The following EBF3 variants were observed in gnomAD, a reference collection of about 807,000 sequenced individuals.
The protein encoded by EBF3 is transcription factor COE3.
EBF3 carries 18 observed loss-of-function variants against 77.1 expected under a neutral mutation model. The ratio of observed to expected loss-of-function variants is 0.23; its 90% CI spans 0.16 to 0.35. EBF3 has a LOEUF of 0.35. EBF3 is among the 10% of genes least tolerant of loss of function. EBF3 has a pLI of 1.00. For missense variants in EBF3, 558 were observed against 860.0 expected (o/e 0.65, Z 4.39); for synonymous variants, 350 against 343.5 (o/e 1.02, Z -0.21).
At chr10:129,894,379 T>C (rs747907105) in intron 6 of EBF3, among the ~76,000 whole-genome samples, 27 of 152,358 alleles carry the variant, frequency 1.8e-4, no homozygotes, top group Non-Finnish European at 3.4e-4. Flanking sequence ...TTGTCAACCC[T>C]GAGCCTGTCA....
intron 10 of EBF3, among the ~76,000 whole-genome samples, chr10:129,859,980 A>G (rs917307611): frequency 1.3e-5 from 2 of 152,190 alleles, no homozygotes; most frequent in Non-Finnish European, 2.9e-5. Flanking sequence ...CTCTACCGAC[A>G]TGTTTGTGCT....
At chr10:129,909,790 C>T (rs895562341) in intron 6 of EBF3, among the ~76,000 whole-genome samples, 2 of 152,230 alleles carry the variant, frequency 1.3e-5, no homozygotes, top group South Asian at 2.1e-4. Context: ...AGAACAGCAG[C>T]GCCCACCCCT....
rs1849586955 is a variant in EBF3, at chr10:129,835,945, G to A, written c.*1998C>T. On this transcript the variant is annotated 3_prime_UTR_variant, in exon 17 of 17. Transcript: ENST00000440978. ...AGGTCATTCCAGTTTTAAAAGTACG[G>A]ACAGTGCTGTTGGAACTGACCACAA... 6.6e-6 allele frequency: 1 copy of A among 152,352 alleles called. No homozygotes were observed. Among genetic ancestry groups the A allele is most frequent in the Admixed American group, 6.6e-5 (1 of 15,242 alleles). 9.4% of individuals were successfully genotyped at this position (152,352 alleles called of 1,614,324 possible).
At chr10:129,899,687 G>A (rs901408217) in intron 6 of EBF3, among the ~76,000 whole-genome samples, 6 of 152,050 alleles carry the variant, frequency 3.9e-5, no homozygotes, top group African/African-American at 9.7e-5. Context: ...GGCCACACTC[G>A]CAGAACCGGA....
At chr10:129,883,216 G>A (rs1853330602) in intron 6 of EBF3, among the ~76,000 whole-genome samples, 1 of 152,136 alleles carries the variant, frequency 6.6e-6, no homozygotes, top group South Asian at 2.1e-4. Flanking sequence ...ACACTGACTG[G>A]CCCCCTGAAA....
chr10:129,846,629 C>G (rs1377927001), intron 11 of EBF3, among the ~76,000 whole-genome samples: 1 of 152,018 alleles, frequency 6.6e-6, no homozygotes, highest in Non-Finnish European at 1.5e-5. Context: ...AAAGCAGCCT[C>G]AGATGGCTGG....
At chr10:129,898,840 C>T (rs1475058993) in intron 6 of EBF3, among the ~76,000 whole-genome samples, 1 of 152,210 alleles carries the variant, frequency 6.6e-6, no homozygotes, top group Non-Finnish European at 1.5e-5. Context: ...CTCCCGCGCC[C>T]AGGCCCCGCT....
At chr10:129,877,970 C>A in intron 6 of EBF3, 121 bp from the exon 7 acceptor site, 1 of 731,394 alleles carries the variant, frequency 1.4e-6, no homozygotes, top group Non-Finnish European at 2.2e-6. Context: ...CCACACTTCC[C>A]TCTAGGGGGC....
intron 6 of EBF3, among the ~76,000 whole-genome samples, chr10:129,901,248 A>C (rs1854757724): frequency 6.6e-6 from 1 of 152,228 alleles, no homozygotes; most frequent in Non-Finnish European, 1.5e-5. Context: ...TGGCAATGTC[A>C]TAATTATGAC....
At chr10:129,871,960 G>C (rs1304168296) in intron 8 of EBF3, among the ~76,000 whole-genome samples, 1 of 152,090 alleles carries the variant, frequency 6.6e-6, no homozygotes, top group Non-Finnish European at 1.5e-5. Context: ...TGATTAGTTG[G>C]GTTTTATCTC....
intron 6 of EBF3, among the ~76,000 whole-genome samples, chr10:129,911,780 T>G (rs1855541016): frequency 6.6e-6 from 1 of 152,038 alleles, no homozygotes; most frequent in South Asian, 2.1e-4. Context: ...TCACTCCTAC[T>G]CCAAGCTGGG....
chr10:129,853,528 A>T (rs1851038325), intron 10 of EBF3, among the ~76,000 whole-genome samples: 1 of 152,200 alleles, frequency 6.6e-6, no homozygotes, highest in Non-Finnish European at 1.5e-5. Flanking sequence ...TAGCAACATA[A>T]CTACATAATA....
intron 6 of EBF3, among the ~76,000 whole-genome samples, chr10:129,906,771 T>G (rs1281089804): frequency 1.3e-5 from 2 of 152,142 alleles, no homozygotes; most frequent in Non-Finnish European, 2.9e-5. Context: ...TTTTCGATTC[T>G]GTCAAAATGT....
chr10:129,924,661 T>C (rs1856543792), intron 6 of EBF3, among the ~76,000 whole-genome samples: 1 of 152,096 alleles, frequency 6.6e-6, no homozygotes, highest in Admixed American at 6.6e-5. Context: ...TAAAGAGGTA[T>C]CTGTGTTTCT....
At chr10:129,889,724 A>G (rs1188888819) in intron 6 of EBF3, among the ~76,000 whole-genome samples, 1 of 150,912 alleles carries the variant, frequency 6.6e-6, no homozygotes, top group Non-Finnish European at 1.5e-5. Flanking sequence ...AGGATAAATA[A>G]TGAATGTCCT....
chr10:129,961,054 T>G (rs1859477351), intron 4 of EBF3, among the ~76,000 whole-genome samples: 1 of 152,228 alleles, frequency 6.6e-6, no homozygotes, highest in Non-Finnish European at 1.5e-5. Context: ...ACACCCTTGC[T>G]ACCTAGGTAA....
chr10:129,929,266 G>A (rs1051413593), intron 6 of EBF3, among the ~76,000 whole-genome samples: 1 of 152,068 alleles, frequency 6.6e-6, no homozygotes, highest in Non-Finnish European at 1.5e-5. Context: ...GTACAGTGGT[G>A]CGATCTCAGT....
intron 5 of EBF3, 28 bp downstream of exon 5, chr10:129,958,906 C>T (rs1456819194): frequency 6.3e-7 from 1 of 1,582,016 alleles, no homozygotes; most frequent in Admixed American, 1.8e-5. Flanking sequence ...GCAGCCCGCG[C>T]CCCCGCCGCC....
chr10:129,963,053 G>A lies in EBF3; in HGVS notation c.292-48C>T, dbSNP rs371754518. The A allele has an allele frequency of 1.9e-6, 3 of 1,609,768 alleles. No individual in the cohort carries two copies. The highest frequency in any genetic ancestry group is 1.7e-5 in the Admixed American group (1 of 59,998). On this transcript the variant is annotated intron_variant, in intron 2 of 16. Transcript: ENST00000440978. This position sits in a 1 kb window ranked among gnomAD's most constrained non-coding sequence, Gnocchi z 7.1. ...GCATTTAGTGCGATCGGTGTCAGGC[G>A]CGGCCACCACGCTCGGTCCCCCTCC...
Sources: gnomAD v4.1 joint callset for allele counts (sites outside exome capture counted in the v4.1 genomes callset) on GRCh38, gnomAD v4.1.1 for gene constraint, Gnocchi (gnomAD v3.1) non-coding constraint, MANE v1.5 for transcripts, NCBI Gene and HGNC (gene_info 2026-07-23, HGNC 2026-07-21) for gene names.